The following FYB1 variants were observed in gnomAD, a reference collection of about 807,000 sequenced individuals.
FYB1 encodes the protein FYN binding protein 1.
Under a neutral mutation model 94.1 loss-of-function variants are expected in FYB1, and 41 were observed. The ratio of observed to expected loss-of-function variants is 0.44; its 90% confidence interval spans 0.34 to 0.57. The LOEUF is 0.57. Among genes scored for constraint, FYB1 ranks in the 20% least tolerant of loss-of-function variants. The pLI is 0.02. For missense variants in FYB1, 1,050 were observed against 976.8 expected (o/e 1.07, Z -1.00); for synonymous variants, 367 against 353.2 (o/e 1.04, Z -0.44).
chr5:39,234,045 T>A (rs1750856056), intron 1 of FYB1, among the ~76,000 whole-genome samples: 1 of 152,122 alleles, frequency 6.6e-6, no homozygotes, highest in Non-Finnish European at 1.5e-5. Flanking sequence ...TGTGGCTAAC[T>A]CTTTAAGTAA....
chr5:39,209,329 GTTT>G (rs5867446), intron 1 of FYB1, among the ~76,000 whole-genome samples: 16 of 135,704 alleles, frequency 1.2e-4, no homozygotes, highest in African/African-American at 3.7e-4. Context: ...GTTTAAATAT[GTTT>G]TTTTTTTTTT....
rs138277252 is a variant in FYB1 at position 39,145,715 on chromosome 5, A to G, written c.1293-4574T>C. On this transcript the variant is annotated intron_variant, in intron 3 of 18. Transcript: ENST00000512982. ...ATGGCATACAAGGTTCTTATGATCAATCTTGCCCTGTAAAGCTTTATTTCT... is the reference window on the plus strand; with the variant it reads ...ATGGCATACAAGGTTCTTATGATCAGTCTTGCCCTGTAAAGCTTTATTTCT... 3.1e-3 allele frequency among the ~76,000 whole-genome samples: 472 copies of G among 152,206 alleles called. 5 individuals carry two copies. Among genetic ancestry groups the G allele is most frequent in the African/African-American group, 0.011 (455 of 41,552 alleles).
At position 39,134,420 on chromosome 5, in the gene FYB1, C is replaced by A. The variant is rs1419294020; in HGVS notation, c.1676-71G>T. The A allele has an allele frequency of 4.0e-6, 5 of 1,245,558 alleles. No individual in the cohort carries two copies. The African/African-American group carries it at 6.0e-5, about 15-fold the overall frequency. 77.2% of individuals were successfully genotyped at this position (1,245,558 alleles called of 1,614,324 possible). The stretch of plus-strand genomic sequence containing the variant: ...TATTTTAAAGTTGTGAATAAAATAT[C>A]AATTGCACATTTGCTCTTTAAACTT... On this transcript the variant is annotated intron_variant, in intron 8 of 18. Transcript: ENST00000512982.
intron 14 of FYB1, 101 bp from the exon 15 acceptor site, chr5:39,119,735 G>T: frequency 2.4e-6 from 3 of 1,269,032 alleles, no homozygotes; most frequent in Non-Finnish European, 3.0e-6. Flanking sequence ...TTAACTTTTT[G>T]TTTCAGTTAA....
intron 2 of FYB1, chr5:39,169,720 A>C: frequency 2.1e-6 from 1 of 469,726 alleles, no homozygotes; most frequent in Non-Finnish European, 4.2e-6. Context: ...CGAAGGTTAG[A>C]TAGTTCATGT....
intron 1 of FYB1, 117 bp downstream of exon 1, chr5:39,219,326 T>C (rs1750115255): frequency 1.7e-6 from 1 of 572,788 alleles, no homozygotes; most frequent in Admixed American, 6.3e-5. Context: ...AACATGCGTT[T>C]CCTTCAGTTA....
At chr5:39,186,333 AGAATCAC>A (rs1746789717) in intron 2 of FYB1, among the ~76,000 whole-genome samples, 1 of 152,194 alleles carries the variant, frequency 6.6e-6, no homozygotes, top group Non-Finnish European at 1.5e-5. Context: ...CTGAGGCAGG[AGAATCAC>A]TTGAACCTGG....
At position 39,119,030 on chromosome 5, in the gene FYB1, C is replaced by A. The variant is rs1203276086; in HGVS notation, c.2245G>T (p.Gly749Cys). ...GTTGAATATAGGACTCTAATTTCACCATCATACTAAAAAAAAAAGAACAAT... is the reference window on the plus strand; with the variant it reads ...GTTGAATATAGGACTCTAATTTCACAATCATACTAAAAAAAAAAGAACAAT... The part of the protein sequence containing the change: ...KDFRKKFKYD[G>C]EIRVLYSTKV... Residue 749 changes from glycine (G) to cysteine (C), a missense_variant, in exon 16 of 19, where the codon GGT becomes TGT. Transcript: ENST00000512982. The A allele has an allele frequency of 1.5e-6, 2 of 1,326,942 alleles. No homozygotes were observed. The highest frequency in any genetic ancestry group is 2.0e-6 in the Non-Finnish European group (2 of 993,902). 82.2% of individuals were successfully genotyped at this position (1,326,942 alleles called of 1,614,324 possible).
At chr5:39,145,807 CTCTGGTT>C (rs1742592347) in intron 3 of FYB1, among the ~76,000 whole-genome samples, 2 of 152,134 alleles carry the variant, frequency 1.3e-5, no homozygotes, top group South Asian at 4.1e-4. Context: ...TCTGAACTCT[CTCTGGTT>C]TCTTGTTCCT....
At chr5:39,269,239 C>T (rs1229168260) in intron 1 of FYB1, among the ~76,000 whole-genome samples, 3 of 151,906 alleles carry the variant, frequency 2.0e-5, no homozygotes, top group East Asian at 2.0e-4. Context: ...TTAGTAGAAG[C>T]GGGGTTTCAC....
chr5:39,130,518 C>T, intron 10 of FYB1, 72 bp downstream of exon 10: 1 of 1,199,442 alleles, frequency 8.3e-7, no homozygotes, highest in Non-Finnish European at 1.2e-6. Flanking sequence ...CAAAATAACA[C>T]ATGTGCTCCA....
At chr5:39,179,548 C>CTTT (rs11405241) in intron 2 of FYB1, among the ~76,000 whole-genome samples, 7 of 139,600 alleles carry the variant, frequency 5.0e-5, no homozygotes, top group South Asian at 4.5e-4. Flanking sequence ...CTTCTTTTTT[C>CTTT]TTTTTTTTTT....
intron 2 of FYB1, among the ~76,000 whole-genome samples, chr5:39,189,271 G>A (rs562843076): frequency 6.8e-6 from 1 of 146,986 alleles, no homozygotes; most frequent in South Asian, 2.1e-4. Context: ...TGTTTATTAG[G>A]CATTGAAAAT....
chr5:39,222,960 G>C (rs1304012024), upstream of FYB1, among the ~76,000 whole-genome samples: 2 of 151,994 alleles, frequency 1.3e-5, no homozygotes, highest in Non-Finnish European at 2.9e-5. Context: ...CCTGTTGGGG[G>C]AGGGCAATGG....
chr5:39,241,830 CTT>C (rs34776914), intron 1 of FYB1, among the ~76,000 whole-genome samples: 202 of 147,680 alleles, frequency 1.4e-3, no homozygotes, highest in East Asian at 5.1e-3. Context: ...AGTTTAAGCT[CTT>C]TTTTTTTTTT....
intron 2 of FYB1, among the ~76,000 whole-genome samples, chr5:39,178,741 T>TA (rs1424221691): frequency 6.6e-6 from 1 of 152,230 alleles, no homozygotes; most frequent in Non-Finnish European, 1.5e-5. Flanking sequence ...GAGGTGAATT[T>TA]AAAAAATCTT....
At chr5:39,126,234 C>T in intron 11 of FYB1, 99 bp from the exon 12 acceptor site, 1 of 1,249,190 alleles carries the variant, frequency 8.0e-7, no homozygotes, top group Non-Finnish European at 1.1e-6. Context: ...ATCATTACGG[C>T]CACATTAATC....
At chr5:39,170,435 G>A in intron 2 of FYB1, 1 of 432,688 alleles carries the variant, frequency 2.3e-6, no homozygotes, top group Non-Finnish European at 4.2e-6. Flanking sequence ...CAGCAGACCT[G>A]GAGGGGGCCC....
chr5:39,218,763 G>A (rs943297948), intron 1 of FYB1, among the ~76,000 whole-genome samples: 2 of 152,092 alleles, frequency 1.3e-5, no homozygotes, highest in Admixed American at 6.5e-5. Context: ...TTAAATGGGG[G>A]GAAAAGACCT....
Sources: gnomAD v4.1 joint callset for allele counts (sites outside exome capture counted in the v4.1 genomes callset) on GRCh38, gnomAD v4.1.1 for gene constraint, MANE v1.5 for transcripts, NCBI Gene and HGNC (gene_info 2026-07-23, HGNC 2026-07-21) for gene names.